SEMA3E: variants seen among roughly 807,000 people sequenced by gnomAD.
SEMA3E encodes the protein semaphorin-3E.
A neutral mutation model predicts 93.6 loss-of-function variants in SEMA3E; 49 were observed. The observed-to-expected ratio is 0.52, with a 90% CI of 0.42 to 0.66. The LOEUF is 0.66. Ranked by LOEUF, SEMA3E falls within the 30% of genes least tolerant of loss-of-function variation. The pLI is 0.00. For missense variants in SEMA3E, 906 were observed against 964.8 expected, an observed-to-expected ratio of 0.94 and a Z score of 0.81; for synonymous variants, 363 against 330.7, an observed-to-expected ratio of 1.10 and a Z score of -1.06.
chr7:83,567,336 C>T (rs2115855682), intron 1 of SEMA3E, among the ~76,000 whole-genome samples: 1 of 152,214 alleles, frequency 6.6e-6, no homozygotes, highest in Admixed American at 6.5e-5. Flanking sequence ...CACTCTCAAC[C>T]TTAGACAGAC....
At chr7:83,541,108 T>C (rs1186932806) in intron 1 of SEMA3E, among the ~76,000 whole-genome samples, 3 of 151,984 alleles carry the variant, frequency 2.0e-5, no homozygotes, top group Non-Finnish European at 4.4e-5. Context: ...TAGGTGAGAG[T>C]CTGGGGAGGG....
chr7:83,560,740 C>A (rs997198157), intron 1 of SEMA3E, among the ~76,000 whole-genome samples: 3 of 151,268 alleles, frequency 2.0e-5, no homozygotes, highest in African/African-American at 7.3e-5. Flanking sequence ...AAAATAGTCT[C>A]CATTTTTAAT....
chr7:83,590,327 A>G (rs1792732102), intron 1 of SEMA3E, among the ~76,000 whole-genome samples: 1 of 152,070 alleles, frequency 6.6e-6, no homozygotes, highest in Non-Finnish European at 1.5e-5. Context: ...CATTTAATGT[A>G]GGTTTTCTTC....
chr7:83,594,456 A>G (rs1197097526), intron 1 of SEMA3E, among the ~76,000 whole-genome samples: 1 of 152,122 alleles, frequency 6.6e-6, no homozygotes, highest in Non-Finnish European at 1.5e-5. Context: ...CAGACTAATC[A>G]GTGCTGGAAT....
At chr7:83,619,306 A>G (rs530340769) in intron 1 of SEMA3E, among the ~76,000 whole-genome samples, 16 of 152,022 alleles carry the variant, frequency 1.1e-4, no homozygotes, top group African/African-American at 3.8e-4. Flanking sequence ...AGATAAATAC[A>G]AATAATTTTA....
At chr7:83,378,521 T>C (rs914761394) in intron 16 of SEMA3E, among the ~76,000 whole-genome samples, 2 of 151,912 alleles carry the variant, frequency 1.3e-5, no homozygotes, top group Non-Finnish European at 2.9e-5. Context: ...TTTGGTAGAG[T>C]ACACTAAACT....
chr7:83,454,681 G>A (rs1237674917), intron 4 of SEMA3E, among the ~76,000 whole-genome samples: 2 of 152,122 alleles, frequency 1.3e-5, no homozygotes, highest in Admixed American at 6.6e-5. Context: ...TAAAATTCAT[G>A]TATTTGTAGC....
At chr7:83,441,388 A>C (rs555518686) in intron 4 of SEMA3E, among the ~76,000 whole-genome samples, 1 of 152,296 alleles carries the variant, frequency 6.6e-6, no homozygotes, top group East Asian at 1.9e-4. Flanking sequence ...AAAATAATAA[A>C]AACTCGATAC....
chr7:83,451,573 G>A (rs1454882913), intron 4 of SEMA3E, among the ~76,000 whole-genome samples: 2 of 152,128 alleles, frequency 1.3e-5, no homozygotes, highest in African/African-American at 4.8e-5. Context: ...AGTAGCAAAT[G>A]CAAATGCCTC....
intron 12 of SEMA3E, among the ~76,000 whole-genome samples, chr7:83,396,171 T>A (rs1348906672): frequency 6.6e-6 from 1 of 152,168 alleles, no homozygotes; most frequent in Non-Finnish European, 1.5e-5. Context: ...TGTATCTGCA[T>A]ATGTAATTGT....
At chr7:83,590,694 C>T (rs1338130522) in intron 1 of SEMA3E, among the ~76,000 whole-genome samples, 2 of 152,078 alleles carry the variant, frequency 1.3e-5, no homozygotes, top group East Asian at 1.9e-4. Context: ...TTCTTCTGGA[C>T]CTTGCTGTCT....
intron 1 of SEMA3E, among the ~76,000 whole-genome samples, chr7:83,512,608 A>C (rs2115654065): frequency 6.6e-6 from 1 of 152,340 alleles, no homozygotes; most frequent in Middle Eastern, 3.4e-3. Context: ...TGTGTTTAAC[A>C]TTAATTTGCA....
chr7:83,516,696 C>G (rs891032830), intron 1 of SEMA3E, among the ~76,000 whole-genome samples: 1 of 152,114 alleles, frequency 6.6e-6, no homozygotes, highest in Non-Finnish European at 1.5e-5. Flanking sequence ...CTGATATTTT[C>G]AGCACATGTT....
intron 4 of SEMA3E, among the ~76,000 whole-genome samples, chr7:83,418,934 G>A (rs373638441): frequency 6.6e-6 from 1 of 151,974 alleles, no homozygotes. Flanking sequence ...TACATATGCA[G>A]GTTTGTTATA....
At chr7:83,501,530 G>A (rs965354851) in intron 1 of SEMA3E, among the ~76,000 whole-genome samples, 2 of 152,068 alleles carry the variant, frequency 1.3e-5, no homozygotes, top group Non-Finnish European at 2.9e-5. Context: ...TTGGCTTACT[G>A]CAACCTCCAC....
At chr7:83,489,667 C>T (rs1790339455) in intron 2 of SEMA3E, among the ~76,000 whole-genome samples, 1 of 152,012 alleles carries the variant, frequency 6.6e-6, no homozygotes, top group Non-Finnish European at 1.5e-5. Context: ...CTCCACCCAC[C>T]AAGTTAAAGG....
At chr7:83,600,944 G>T (rs1792983147) in intron 1 of SEMA3E, among the ~76,000 whole-genome samples, 2 of 152,164 alleles carry the variant, frequency 1.3e-5, no homozygotes, top group African/African-American at 4.8e-5. Flanking sequence ...AGACCTTAAA[G>T]ACTTGATTAA....
chr7:83,367,798 C>A lies in SEMA3E; in HGVS notation c.2116G>T (p.Ala706Ser). 3 of 1,614,094 alleles carry A rather than the reference C, an allele frequency of 1.9e-6. No individual in the cohort carries two copies. Among genetic ancestry groups the A allele is most frequent in the Non-Finnish European group, 2.5e-6 (3 of 1,180,000 alleles). The part of the protein sequence containing the change: ...CPAQSSISQG[A>S]KPWYKEFLQL... ...AAGAATTCCTTGTACCATGGTTTTG[C>A]TCCCTGCGAGATGCTACTCTGAGCA... Residue 706 changes from alanine (A) to serine (S), a missense_variant, in exon 17 of 17, where the codon GCA (alanine) becomes TCA (serine). Transcript: ENST00000643230.
intron 4 of SEMA3E, among the ~76,000 whole-genome samples, chr7:83,431,165 C>G (rs1481315409): frequency 6.7e-6 from 1 of 149,920 alleles, no homozygotes; most frequent in Non-Finnish European, 1.5e-5. Flanking sequence ...TTTTTTTCTT[C>G]AATATATTAA....
Sources: gnomAD v4.1 joint callset for allele counts (sites outside exome capture counted in the v4.1 genomes callset) on GRCh38, gnomAD v4.1.1 for gene constraint, MANE v1.5 for transcripts, NCBI Gene and HGNC (gene_info 2026-07-23, HGNC 2026-07-21) for gene names.